ZMAT4: variants seen among roughly 807,000 people sequenced by gnomAD.
The protein encoded by ZMAT4 is zinc finger matrin-type protein 4.
In ZMAT4, 17 loss-of-function variants were observed where a neutral mutation model predicts 28.7. That is an observed-to-expected ratio of 0.59 (90% confidence interval 0.41 to 0.89). ZMAT4 has a LOEUF of 0.89. ZMAT4 is among the 40% of genes least tolerant of loss of function. The probability of loss-of-function intolerance (pLI) is 0.00; values close to 1 mark genes in which losing one functional copy is unlikely to be tolerated. For synonymous variants in ZMAT4, 117 were observed against 109.2 expected, an observed-to-expected ratio of 1.07 and a Z score of -0.44; for missense variants, 240 against 283.8, an observed-to-expected ratio of 0.85 and a Z score of 1.11.
At chr8:40,894,885 A>C (rs1206844440) in intron 1 of ZMAT4, among the ~76,000 whole-genome samples, 2 of 152,264 alleles carry the variant, frequency 1.3e-5, no homozygotes, top group East Asian at 1.9e-4. Context: ...GCAGAAGGCA[A>C]AAAGGCTCTT....
intron 5 of ZMAT4, among the ~76,000 whole-genome samples, chr8:40,640,281 A>G (rs1286050062): frequency 1.3e-5 from 2 of 152,176 alleles, no homozygotes; most frequent in East Asian, 3.8e-4. Flanking sequence ...CTAGCCCCTT[A>G]TATCTGTCTT....
chr8:40,723,118 T>C (rs1356383575), intron 3 of ZMAT4, among the ~76,000 whole-genome samples: 1 of 152,170 alleles, frequency 6.6e-6, no homozygotes, highest in African/African-American at 2.4e-5. Context: ...TGCTTAGAAC[T>C]GTAACCCCCA....
chr8:40,866,510 T>C (rs998006037), intron 1 of ZMAT4, among the ~76,000 whole-genome samples: 19 of 152,238 alleles, frequency 1.2e-4, no homozygotes, highest in South Asian at 4.1e-4. Context: ...TAACTTTTCA[T>C]AAAGCATGAA....
chr8:40,586,424 T>A (rs1015712731), intron 5 of ZMAT4, among the ~76,000 whole-genome samples: 1 of 152,140 alleles, frequency 6.6e-6, no homozygotes, highest in African/African-American at 2.4e-5. Flanking sequence ...GACAATCCAG[T>A]TGGAGACAGA....
At chr8:40,883,820 C>G (rs1267757243) in intron 1 of ZMAT4, among the ~76,000 whole-genome samples, 1 of 152,076 alleles carries the variant, frequency 6.6e-6, no homozygotes. Flanking sequence ...CTTTTCAATT[C>G]AATCCTACGA....
Position 40,767,709 on chromosome 8 carries a change from C to G in ZMAT4, c.124G>C (p.Val42Leu). Residue 42 changes from valine to leucine, a missense_variant, in exon 3 of 7, where the codon GTC (valine) becomes CTC (leucine). By Grantham distance (32) the Val-to-Leu change is conservative (BLOSUM62 1). Transcript: ENST00000297737. ...GGGTGAAGCATGTAATACAGTCGGA[C>G]TTTGCTTGCATGTTTTCGACTCTGG... is the stretch of plus-strand genomic sequence containing the variant. ...HYESRKHASK[V>L]RLYYMLHPRD... 1 of 1,612,550 alleles carries G rather than the reference C, an allele frequency of 6.2e-7. No homozygotes were observed. Among genetic ancestry groups the G allele is most frequent in the Non-Finnish European group, 8.5e-7 (1 of 1,179,570 alleles).
At chr8:40,799,442 G>T (rs1381294883) in intron 2 of ZMAT4, among the ~76,000 whole-genome samples, 3 of 152,148 alleles carry the variant, frequency 2.0e-5, no homozygotes, top group South Asian at 2.1e-4. Context: ...GAAAAAGAAA[G>T]ACTAAGGTTT....
rs553389808 is a variant in ZMAT4, at chr8:40,810,316, G to A, written c.102+15259C>T. On this transcript the variant is annotated intron_variant, in intron 2 of 6. Coordinates refer to ENST00000297737, the MANE Select transcript of ZMAT4 (RefSeq NM_024645.3). ...CTCTACAATAAAAGAAGATAGATAC[G>A]TGATTTGTCCCTCTCAGATATTAAA... Among the ~76,000 whole-genome samples, 15 of 152,230 alleles carry A rather than the reference G, an allele frequency of 9.9e-5. No individual in the cohort carries two copies. In the South Asian group the frequency reaches 1.0e-3, roughly 11 times the overall value.
At chr8:40,823,692 T>TAC (rs537587037) in intron 2 of ZMAT4, among the ~76,000 whole-genome samples, 16 of 151,486 alleles carry the variant, frequency 1.1e-4, no homozygotes, top group South Asian at 4.2e-4. Flanking sequence ...CATATACATA[T>TAC]ACACACACAC....
At chr8:40,717,204 G>T (rs1221278555) in intron 3 of ZMAT4, among the ~76,000 whole-genome samples, 2 of 152,106 alleles carry the variant, frequency 1.3e-5, no homozygotes, top group Non-Finnish European at 2.9e-5. Flanking sequence ...CAATTTGAAG[G>T]ACCCAGATGG....
At chr8:40,752,856 G>A (rs926750613) in intron 3 of ZMAT4, among the ~76,000 whole-genome samples, 1 of 151,662 alleles carries the variant, frequency 6.6e-6, no homozygotes, top group Non-Finnish European at 1.5e-5. Flanking sequence ...GACACCAGCC[G>A]TGCTCATGCT....
At chr8:40,781,954 G>A (rs140045402) in intron 2 of ZMAT4, among the ~76,000 whole-genome samples, 2 of 152,134 alleles carry the variant, frequency 1.3e-5, no homozygotes, top group East Asian at 3.9e-4. Flanking sequence ...AAAATGTATT[G>A]TAGGCCTTGA....
chr8:40,743,701 C>G (rs1041498192), intron 3 of ZMAT4, among the ~76,000 whole-genome samples: 1 of 152,144 alleles, frequency 6.6e-6, no homozygotes, highest in Non-Finnish European at 1.5e-5. Flanking sequence ...ATTGGGATAG[C>G]GGCATGGGCA....
rs181530582 is a variant in ZMAT4, at chr8:40,532,310, C to T, written c.675-72G>A. 19 of 1,359,462 alleles carry T rather than the reference C, an allele frequency of 1.4e-5. No individual in the cohort carries two copies. The South Asian group carries it at 2.4e-4, about 17-fold the overall frequency. The allele number at this position is 1,359,462 out of a possible 1,614,324, so 84.2% of individuals were successfully genotyped here. A position where few individuals can be genotyped will look rare whatever the true frequency, so the allele number is the denominator to read the frequency against. ...AATTCCAACACCTCTTTCTCCCCCC[C>T]ACCCCCTGTCTCTCTTCTACTTCTC... On this transcript the variant is annotated intron_variant, in intron 6 of 6. Coordinates refer to ENST00000297737, the MANE Select transcript of ZMAT4 (RefSeq NM_024645.3).
At chr8:40,638,089 G>T (rs80227107) in intron 5 of ZMAT4, among the ~76,000 whole-genome samples, 1,622 of 152,242 alleles carry the variant, frequency 0.011, 25 homozygotes, top group African/African-American at 0.037. Flanking sequence ...GGAGACGTTG[G>T]TCAAAGGGTA....
intron 4 of ZMAT4, among the ~76,000 whole-genome samples, chr8:40,682,513 A>C (rs1244211159): frequency 3.3e-5 from 5 of 152,218 alleles, no homozygotes; most frequent in Admixed American, 3.3e-4. Context: ...ATATGTCTGG[A>C]TGCGAATTCT....
At chr8:40,835,892 G>A (rs527862406) in intron 1 of ZMAT4, among the ~76,000 whole-genome samples, 4 of 152,248 alleles carry the variant, frequency 2.6e-5, no homozygotes, top group South Asian at 2.1e-4. Flanking sequence ...CTAACTGCTC[G>A]GTGCTGATTT....
chr8:40,584,462 A>G (rs1432044422), intron 5 of ZMAT4, among the ~76,000 whole-genome samples: 1 of 152,170 alleles, frequency 6.6e-6, no homozygotes, highest in Non-Finnish European at 1.5e-5. Context: ...CTGCTCTATC[A>G]TGGATGTATT....
intron 4 of ZMAT4, among the ~76,000 whole-genome samples, chr8:40,685,091 G>T (rs1283102967): frequency 2.0e-5 from 3 of 151,146 alleles, no homozygotes; most frequent in Non-Finnish European, 4.4e-5. Flanking sequence ...ATTTAATCTA[G>T]AAATAAAGCA....
Sources: gnomAD v4.1 joint callset for allele counts (sites outside exome capture counted in the v4.1 genomes callset) on GRCh38, gnomAD v4.1.1 for gene constraint, MANE v1.5 for transcripts, NCBI Gene and HGNC (gene_info 2026-07-23, HGNC 2026-07-21) for gene names.